The following SCEL variants were observed in gnomAD, a reference collection of about 807,000 sequenced individuals.
SCEL encodes the protein sciellin.
SCEL carries 113 observed loss-of-function variants against 117.6 expected under a neutral mutation model. The observed-to-expected ratio is 0.96, with a 90% confidence interval of 0.83 to 1.12. The LOEUF is 1.12. SCEL is among the 50% of genes most tolerant of loss of function. The pLI is 0.00. For missense variants in SCEL, 785 were observed against 810.8 expected (o/e 0.97, Z 0.39); for synonymous variants, 270 against 256.2 (o/e 1.05, Z -0.51).
chr13:77,630,116 A>C (rs1282014709), intron 28 of SCEL, among the ~76,000 whole-genome samples: 1 of 152,068 alleles, frequency 6.6e-6, no homozygotes, highest in Admixed American at 6.5e-5. Context: ...GAGGGATTCT[A>C]GTTTCTTTGG....
At chr13:77,547,264 C>T (rs1021878425) in intron 1 of SCEL, among the ~76,000 whole-genome samples, 1 of 152,048 alleles carries the variant, frequency 6.6e-6, no homozygotes, top group Non-Finnish European at 1.5e-5. Context: ...AAGAGAGAGG[C>T]GTGGCATTCC....
At chr13:77,637,231 CACAT>C (rs757464380) in intron 30 of SCEL, 37 bp downstream of exon 30, 16 of 900,318 alleles carry the variant, frequency 1.8e-5, no homozygotes, top group South Asian at 9.5e-5. Context: ...AAAAAGTACA[CACAT>C]ACAGACACAC....
intron 1 of SCEL, among the ~76,000 whole-genome samples, chr13:77,541,094 A>G (rs919024636): frequency 1.3e-5 from 2 of 152,200 alleles, no homozygotes; most frequent in African/African-American, 4.8e-5. Flanking sequence ...AAAATAGGGA[A>G]TGCAAAATCA....
Position 77,599,717 on chromosome 13 carries a change from A to G in SCEL, c.886A>G (p.Met296Val), listed in dbSNP as rs776920959. 1.2e-6 allele frequency: 2 copies of G among 1,612,512 alleles called. No individual in the cohort carries two copies. The highest frequency in any genetic ancestry group is 2.7e-5 in the African/African-American group (2 of 75,028). ...CAAAAGCCTTGAAAGTCTCATCTAT[A>G]TGAGTACCCGGACAGATAAAGATGG... ...RAKSLESLIY[M>V]STRTDKDGKG... The change falls in exon 15 of 33, where the codon ATG becomes GTG. Residue 296 changes from methionine to valine, a missense_variant. Coordinates refer to ENST00000349847, the MANE Select transcript of SCEL (RefSeq NM_144777.3).
chr13:77,554,988 T>C (rs1460792724), intron 1 of SCEL, among the ~76,000 whole-genome samples: 2 of 152,198 alleles, frequency 1.3e-5, no homozygotes, highest in Non-Finnish European at 2.9e-5. Flanking sequence ...AATATATTTA[T>C]GATCCACAAA....
At chr13:77,602,454 A>C (rs1460273069) in intron 16 of SCEL, 200 bp from the exon 17 acceptor site, 5 of 525,984 alleles carry the variant, frequency 9.5e-6, no homozygotes, top group Non-Finnish European at 1.7e-5. Flanking sequence ...AAGCCTTTCT[A>C]AACTGATTTA....
At chr13:77,592,243 G>A (rs2086915188) in intron 11 of SCEL, among the ~76,000 whole-genome samples, 1 of 152,110 alleles carries the variant, frequency 6.6e-6, no homozygotes, top group South Asian at 2.1e-4. Context: ...CTTCTTTGGA[G>A]AAAGTCATGT....
intron 1 of SCEL, among the ~76,000 whole-genome samples, chr13:77,548,486 G>C (rs760948335): frequency 2.6e-5 from 4 of 152,200 alleles, no homozygotes; most frequent in Non-Finnish European, 5.9e-5. Context: ...CTAAGGATAA[G>C]ATCTAATGGG....
In SCEL at chr13:77,559,785, T is replaced by G. The variant is rs1183240671; in HGVS notation, c.162-19T>G. ...TGTGGTAACTTTCTATGTGACATAC[T>G]TTTGTTCTTTCTTTGCAGAGATGAA... On this transcript the variant is annotated intron_variant, in intron 3 of 32. Coordinates refer to ENST00000349847, the MANE Select transcript of SCEL (RefSeq NM_144777.3). The G allele has an allele frequency of 6.2e-7, 1 of 1,611,072 alleles. No homozygotes were observed. Among genetic ancestry groups the G allele is most frequent in the Non-Finnish European group, 8.5e-7 (1 of 1,177,556 alleles).
At chr13:77,614,903 G>C (rs2088912769) in intron 24 of SCEL, among the ~76,000 whole-genome samples, 1 of 152,068 alleles carries the variant, frequency 6.6e-6, no homozygotes, top group African/African-American at 2.4e-5. Context: ...TATAATTATA[G>C]GTTGTGGAAG....
intron 5 of SCEL, 134 bp downstream of exon 5, chr13:77,564,033 C>T: frequency 1.7e-6 from 1 of 589,826 alleles, no homozygotes; most frequent in East Asian, 3.3e-5. Context: ...GGATGGAGGG[C>T]TCTAAGAATT....
chr13:77,583,906 G>T lies in SCEL; in HGVS notation c.546-5238G>T, dbSNP rs538439692. On this transcript the variant is annotated intron_variant, in intron 9 of 32. Transcript: ENST00000349847. ...ATATGGAAATGAAGTAATATAGACA[G>T]CTTTCTTTACAGTGTTATTTCTTTT... 2.6e-5 allele frequency among the ~76,000 whole-genome samples: 4 copies of T among 152,296 alleles called. No homozygotes were observed. In the South Asian group the frequency reaches 8.3e-4, roughly 32 times the overall value.
At chr13:77,554,825 TAC>T (rs1191074236) in intron 1 of SCEL, among the ~76,000 whole-genome samples, 2 of 152,088 alleles carry the variant, frequency 1.3e-5, no homozygotes, top group African/African-American at 2.4e-5. Flanking sequence ...TGGTCCATAC[TAC>T]ACAGTCTGGG....
chr13:77,637,836 G>A (rs1433648925), intron 30 of SCEL, among the ~76,000 whole-genome samples: 2 of 152,222 alleles, frequency 1.3e-5, no homozygotes, highest in African/African-American at 2.4e-5. Context: ...GTCATGATGA[G>A]TATTGATTGA....
chr13:77,593,259 A>AGTGTGT (rs4052543), intron 11 of SCEL, among the ~76,000 whole-genome samples: 3,075 of 111,110 alleles, frequency 0.028, 81 homozygotes, highest in Middle Eastern at 0.068. Context: ...AACAGAGGGG[A>AGTGTGT]GTGTGTGTGT....
chr13:77,574,865 C>A (rs182020639), intron 9 of SCEL, among the ~76,000 whole-genome samples: 1 of 152,210 alleles, frequency 6.6e-6, no homozygotes, highest in African/African-American at 2.4e-5. Context: ...ATCTCTCCCC[C>A]TTCTCTCCTC....
chr13:77,554,272 G>A (rs536701109), intron 1 of SCEL, among the ~76,000 whole-genome samples: 1 of 152,286 alleles, frequency 6.6e-6, no homozygotes, highest in Non-Finnish European at 1.5e-5. Flanking sequence ...CAGTCAGCAG[G>A]TTGTAGTGAG....
intron 1 of SCEL, among the ~76,000 whole-genome samples, chr13:77,547,116 A>C (rs1218109215): frequency 6.6e-6 from 1 of 152,194 alleles, no homozygotes; most frequent in Non-Finnish European, 1.5e-5. Context: ...ATGAGTCCCT[A>C]CTTGGAAATC....
intron 9 of SCEL, among the ~76,000 whole-genome samples, chr13:77,575,993 T>C (rs968717476): frequency 6.6e-6 from 1 of 152,244 alleles, no homozygotes; most frequent in Non-Finnish European, 1.5e-5. Flanking sequence ...CCTGCTTCAC[T>C]GGTTTCCCCA....
Sources: allele counts gnomAD v4.1 joint callset (sites outside exome capture counted in the v4.1 genomes callset), GRCh38; gene constraint gnomAD v4.1.1; transcripts MANE v1.5; gene names NCBI Gene and HGNC (gene_info 2026-07-23, HGNC 2026-07-21).